SPTA1: variants seen among roughly 807,000 people sequenced by gnomAD.
SPTA1 encodes the protein spectrin alpha, erythrocytic 1.
SPTA1 carries 177 observed loss-of-function variants against 324.7 expected under a neutral mutation model. That is an observed-to-expected ratio of 0.55 (90% CI 0.48 to 0.62). The LOEUF (loss-of-function observed/expected upper bound fraction) is 0.62, where lower values mean the gene tolerates loss of function less well. SPTA1 is among the 20% of genes least tolerant of loss of function. The pLI, the probability that SPTA1 is intolerant of heterozygous loss-of-function variation, is 0.00. For synonymous variants in SPTA1, 1,195 were observed against 1,041.3 expected (o/e 1.15, Z -2.84); for missense variants, 3,162 against 2,883.6 (o/e 1.10, Z -2.21).
chr1:158,652,517 C>T lies in SPTA1; in HGVS notation c.3325G>A (p.Glu1109Lys). The T allele has an allele frequency of 6.2e-7, 1 of 1,614,158 alleles. No individual in the cohort carries two copies. The highest frequency in any genetic ancestry group is 8.5e-7 in the Non-Finnish European group (1 of 1,180,040). The change falls in exon 23 of 52, where the codon GAA (glutamate) becomes AAA (lysine). Residue 1109 changes from glutamate to lysine, a missense_variant. Transcript: ENST00000643759. ...QEKKAENTGV[E>K]LDDVWELQKK... ...TGCAGCTCCCAAACATCATCTAGTTCCACTCCAGTGTTTTCTGCCTTTTTC... is the reference window on the plus strand; with the variant it reads ...TGCAGCTCCCAAACATCATCTAGTTTCACTCCAGTGTTTTCTGCCTTTTTC...
In SPTA1 at chr1:158,682,138, G is replaced by A. The variant is rs925606024; in HGVS notation, c.391-471C>T. Among the ~76,000 whole-genome samples, 8 of 152,166 alleles carry A rather than the reference G, an allele frequency of 5.3e-5. No homozygotes were observed. The East Asian group carries it at 5.8e-4, about 11-fold the overall frequency. Reference sequence around the variant, plus strand: ...AAGTTATAAGGAAATCATTGGCACCGAAACAATAACAGTGTTTTGGGACTA... The same window carrying A: ...AAGTTATAAGGAAATCATTGGCACCAAAACAATAACAGTGTTTTGGGACTA... On this transcript the variant is annotated intron_variant, in intron 3 of 51. Transcript: ENST00000643759.
At chr1:158,677,661 G>T (rs762384565) in intron 7 of SPTA1, 29 bp downstream of exon 7, 1 of 1,612,028 alleles carries the variant, frequency 6.2e-7, no homozygotes, top group Non-Finnish European at 8.5e-7. Flanking sequence ...TAGCTCAACG[G>T]GTTAGCCATT....
intron 39 of SPTA1, among the ~76,000 whole-genome samples, chr1:158,628,246 T>G (rs1018607871): frequency 6.6e-6 from 1 of 152,138 alleles, no homozygotes; most frequent in African/African-American, 2.4e-5. Context: ...GGCTGAAGCA[T>G]GAAGAGTGGT....
chr1:158,657,426 T>C lies in SPTA1; in HGVS notation c.2805+51A>G, dbSNP rs73018260. ...ACCTAAGCAAACCCTAAATTGATAA[T>C]TTGGTTGCGTTTGTTGAGGATTCAC... On this transcript the variant is annotated intron_variant, in intron 19 of 51. Transcript: ENST00000643759. 0.017 allele frequency: 25,830 copies of C among 1,540,504 alleles called. 3,457 individuals carry two copies. The African/African-American group carries it at 0.3, about 18-fold the overall frequency.
Position 158,634,548 on chromosome 1 carries a change from T to G in SPTA1, c.5560A>C (p.Thr1854Pro), listed in dbSNP as rs1176900319. 1 of 1,613,946 alleles carries G rather than the reference T, an allele frequency of 6.2e-7. No homozygotes were observed. Among genetic ancestry groups the G allele is most frequent in the Non-Finnish European group, 8.5e-7 (1 of 1,180,016 alleles). Residue 1854 changes from threonine to proline, a missense_variant, in exon 39 of 52, where the codon ACT (threonine) becomes CCT (proline). By Grantham distance (38) the Thr-to-Pro change is conservative. Transcript: ENST00000643759. ...RGDCGDTLAATQSLLMKHEAL... is the reference protein window; with the variant it reads ...RGDCGDTLAAPQSLLMKHEAL... ...TCATTCTTCCTGTTCCTCACCTGAG[T>G]AGCAGCTAATGTATCTCCACAATCT...
chr1:158,620,214 C>T lies in SPTA1; in HGVS notation c.6373G>A (p.Glu2125Lys). 6.2e-7 allele frequency: 1 copy of T among 1,614,140 alleles called. No individual in the cohort carries two copies. Among genetic ancestry groups the T allele is most frequent in the Non-Finnish European group, 8.5e-7 (1 of 1,180,030 alleles). The change falls in exon 44 of 52, where the codon GAG becomes AAG. Residue 2125 changes from glutamate to lysine, a missense_variant. Coordinates refer to ENST00000643759, the MANE Select transcript of SPTA1 (RefSeq NM_003126.4). ...PSSPYTWLTV[E>K]VLERTWKHLS... Reference sequence around the variant, plus strand: ...TGCTTCCAGGTCCTTTCCAGCACCTCCACTGTTAACCAGGTATAAGGGCTG... The same window carrying T: ...TGCTTCCAGGTCCTTTCCAGCACCTTCACTGTTAACCAGGTATAAGGGCTG...
chr1:158,618,517 A>T (rs1218251132), intron 45 of SPTA1, among the ~76,000 whole-genome samples: 1 of 152,164 alleles, frequency 6.6e-6, no homozygotes, highest in Non-Finnish European at 1.5e-5. Flanking sequence ...TGACACACCT[A>T]CTGGATACAA....
intron 7 of SPTA1, 144 bp from the exon 8 acceptor site, chr1:158,676,439 T>C: frequency 1.2e-6 from 1 of 807,310 alleles, no homozygotes; most frequent in East Asian, 2.7e-5. Context: ...AATATACTAA[T>C]GTACTACATT....
chr1:158,672,546 A>T (rs995887943), intron 10 of SPTA1, among the ~76,000 whole-genome samples: 1 of 152,202 alleles, frequency 6.6e-6, no homozygotes, highest in Non-Finnish European at 1.5e-5. Context: ...ACTGCAAATA[A>T]TTTTTAGATA....
At chr1:158,658,837 A>G (rs2106089) in intron 18 of SPTA1, among the ~76,000 whole-genome samples, 15,198 of 152,116 alleles carry the variant, frequency 0.1, 2,531 homozygotes, top group African/African-American at 0.34. Context: ...AGAAGACAAG[A>G]CAGCACATCT....
rs1458123119 is a variant in SPTA1 at position 158,645,266 on chromosome 1, A to G, written c.4116T>C (p.Ala1372=). The G allele has an allele frequency of 6.2e-7, 1 of 1,614,040 alleles. No individual in the cohort carries two copies. The highest frequency in any genetic ancestry group is 2.2e-5 in the East Asian group (1 of 44,884). Residue 1372 remains alanine (A), a synonymous_variant, in exon 29 of 52, where the codon GCT becomes GCC. Coordinates refer to ENST00000643759, the MANE Select transcript of SPTA1 (RefSeq NM_003126.4). ...ASPEIEKKLQ[A]VKLERDDLEK... ...CCAAATCATCTCTCTCTAGCTTGAC[A>G]GCTTGAAGCTTTTTTTCAATTTCAG...
chr1:158,638,103 C>T lies in SPTA1; in HGVS notation c.5119G>A (p.Glu1707Lys), dbSNP rs748383003. 32 of 1,613,918 alleles carry T rather than the reference C, an allele frequency of 2.0e-5. No homozygotes were observed. Among genetic ancestry groups the T allele is most frequent in the Non-Finnish European group, 2.4e-5 (28 of 1,179,980 alleles). The part of the protein sequence containing the change: ...NVQELAAAHH[E>K]KLKEAYALFQ... Reference sequence around the variant, plus strand: ...AAGGCATAGGCCTCTTTCAATTTTTCGTGGTGTGCAGCTGCCAATTCTTGG... The same window carrying T: ...AAGGCATAGGCCTCTTTCAATTTTTTGTGGTGTGCAGCTGCCAATTCTTGG... The change falls in exon 36 of 52, where the codon GAA becomes AAA. Residue 1707 changes from glutamate (E) to lysine (K), a missense_variant. Transcript: ENST00000643759.
chr1:158,638,083 A>G lies in SPTA1; in HGVS notation c.5139T>C (p.Tyr1713=), dbSNP rs757164630. 1.2e-6 allele frequency: 2 copies of G among 1,614,000 alleles called. No homozygotes were observed. Among genetic ancestry groups the G allele is most frequent in the East Asian group, 2.2e-5 (1 of 44,886 alleles). Residue 1713 remains tyrosine, a synonymous_variant, in exon 36 of 52, where the codon TAT becomes TAC. Transcript: ENST00000643759. ...AAHHEKLKEA[Y]ALFQFFQDLD... is the part of the protein sequence containing the mutation. ...GATCCTGGAAGAACTGGAACAAGGC[A>G]TAGGCCTCTTTCAATTTTTCGTGGT...
At chr1:158,636,848 G>A in intron 36 of SPTA1, 87 bp from the exon 37 acceptor site, 1 of 1,603,404 alleles carries the variant, frequency 6.2e-7, no homozygotes, top group Non-Finnish European at 8.5e-7. Context: ...TATGTGTGTG[G>A]CTGGTGGTGA....
intron 37 of SPTA1, 135 bp downstream of exon 37, chr1:158,636,506 G>A (rs573163693): frequency 1.9e-4 from 190 of 1,023,734 alleles, no homozygotes; most frequent in Non-Finnish European, 2.7e-4. Flanking sequence ...AAGAATATTT[G>A]TAAACTCTTT....
Position 158,636,721 on chromosome 1 carries a change from CT to C in SPTA1, c.5229del (p.Asp1744IlefsTer9). 2.5e-6 allele frequency: 4 copies of C among 1,614,138 alleles called. No individual in the cohort carries two copies. The highest frequency in any genetic ancestry group is 3.4e-6 in the Non-Finnish European group (4 of 1,180,006). ...AGCAAGTTCTGAACCCCCTGAAGAT[CT>C]CTCCCATAGTCCTGGGAGCTCACTC... ...LIRVSSQDYG[R>X]DLQGVQNLLK... On this transcript the variant is annotated frameshift_variant, in exon 37 of 52. Transcript: ENST00000643759. LOFTEE classifies it high-confidence loss of function.
chr1:158,650,298 T>C lies in SPTA1; in HGVS notation c.3478-351A>G, dbSNP rs12403780. Among the ~76,000 whole-genome samples the C allele has an allele frequency of 4.2e-4, 64 of 152,348 alleles. No individual in the cohort carries two copies. In the East Asian group the frequency reaches 5.0e-3, roughly 12 times the overall value. ...CATTTCTCTAAGACAAACAATTCTG[T>C]ATTCTGAATTGAATAAACCAGGTAG... On this transcript the variant is annotated intron_variant, in intron 24 of 51. Transcript: ENST00000643759.
chr1:158,663,797 T>A (rs1332690), intron 16 of SPTA1, among the ~76,000 whole-genome samples: 1 of 152,200 alleles, frequency 6.6e-6, no homozygotes, highest in Non-Finnish European at 1.5e-5. Flanking sequence ...CAAACTACCA[T>A]GGCATATGTA....
intron 40 of SPTA1, 94 bp downstream of exon 40, chr1:158,627,531 C>T (rs1650357883): frequency 5.0e-6 from 6 of 1,198,644 alleles, no homozygotes; most frequent in Non-Finnish European, 7.4e-6. Context: ...ATGATCTTAG[C>T]ACTGCTCTCT....
Sources: allele counts gnomAD v4.1 joint callset (sites outside exome capture counted in the v4.1 genomes callset), GRCh38; gene constraint gnomAD v4.1.1; transcripts MANE v1.5; gene names NCBI Gene and HGNC (gene_info 2026-07-23, HGNC 2026-07-21).